SMPX: variants seen among roughly 807,000 people sequenced by gnomAD.
SMPX encodes small muscle protein X-linked.
A neutral mutation model predicts 6.3 loss-of-function variants in SMPX; 2 were observed. The ratio of observed to expected loss-of-function variants is 0.32; its 90% confidence interval spans 0.13 to 0.99. SMPX has a LOEUF of 0.99. SMPX is among the 50% of genes least tolerant of loss of function. The pLI is 0.49. For synonymous variants in SMPX, 32 were observed against 24.7 expected (o/e 1.30, Z -0.88); for missense variants, 60 against 66.8 (o/e 0.90, Z 0.36).
chrX:21,749,178 T>G (rs1021266022), intron 2 of SMPX, among the ~76,000 whole-genome samples: 138 of 112,439 alleles, frequency 1.2e-3, no homozygotes, highest in African/African-American at 4.3e-3. Context: ...ACATACTCAC[T>G]AATGATGCAG....
intron 2 of SMPX, among the ~76,000 whole-genome samples, chrX:21,752,138 G>A (rs1056283185): frequency 5.4e-5 from 6 of 111,722 alleles, no homozygotes; most frequent in African/African-American, 6.5e-5. Flanking sequence ...GTATAATAAC[G>A]GCTACTGAGA....
intron 4 of SMPX, among the ~76,000 whole-genome samples, chrX:21,721,569 A>G (rs1418976102): frequency 8.9e-6 from 1 of 112,455 alleles, no homozygotes; most frequent in Admixed American, 9.4e-5. Context: ...AGACCAAGAC[A>G]CACATCAGGA....
intron 2 of SMPX, among the ~76,000 whole-genome samples, chrX:21,748,584 C>T (rs953790889): frequency 1.8e-5 from 2 of 111,501 alleles, no homozygotes; most frequent in African/African-American, 6.5e-5. Flanking sequence ...TAGGCAGAGC[C>T]GCAATGATCA....
At chrX:21,720,706 G>T (rs1210841336) in intron 4 of SMPX, among the ~76,000 whole-genome samples, 1 of 111,984 alleles carries the variant, frequency 8.9e-6, no homozygotes, top group African/African-American at 3.2e-5. Context: ...AAATGGGGAA[G>T]AAAGATAAGT....
chrX:21,736,854 C>T (rs1445861620), intron 4 of SMPX, among the ~76,000 whole-genome samples: 2 of 111,402 alleles, frequency 1.8e-5, no homozygotes, highest in Non-Finnish European at 3.8e-5. Flanking sequence ...CACTCCCCTG[C>T]TGGCAGAATT....
intron 2 of SMPX, among the ~76,000 whole-genome samples, chrX:21,752,367 T>A (rs1238669924): frequency 3.6e-5 from 4 of 111,927 alleles, no homozygotes; most frequent in Non-Finnish European, 5.6e-5. Flanking sequence ...AGAATTTTTA[T>A]GTTTAGCACT....
intron 4 of SMPX, among the ~76,000 whole-genome samples, chrX:21,715,262 C>CTGTG (rs34947234): frequency 0.032 from 3,055 of 94,526 alleles, 77 homozygotes; most frequent in Admixed American, 0.069. Context: ...TCACTCTGCT[C>CTGTG]TGTGTGTGTG....
intron 4 of SMPX, among the ~76,000 whole-genome samples, chrX:21,718,203 G>A (rs1569304282): frequency 1.8e-5 from 2 of 112,531 alleles, no homozygotes; most frequent in East Asian, 5.6e-4. Context: ...TGACAGCTGT[G>A]GGCCATTAAT....
At chrX:21,715,300 GTGTGCGCGCACGCGCGCGCGCT>G (rs1317612285) in intron 4 of SMPX, among the ~76,000 whole-genome samples, 5 of 99,016 alleles carry the variant, frequency 5.0e-5, no homozygotes, top group African/African-American at 2.4e-4. Flanking sequence ...GTGTGTGTGT[GTGTGCGCGCACGCGCGCGCGCT>G]CGCGCGCTGG....
At chrX:21,746,908 A>G (rs1379800722) in intron 2 of SMPX, among the ~76,000 whole-genome samples, 1 of 111,500 alleles carries the variant, frequency 9.0e-6, no homozygotes, top group African/African-American at 3.3e-5. Context: ...AATTTGATAA[A>G]AATATGTAGA....
intron 2 of SMPX, among the ~76,000 whole-genome samples, chrX:21,752,528 T>C (rs968775862): frequency 3.6e-5 from 4 of 111,012 alleles, no homozygotes; most frequent in Non-Finnish European, 5.7e-5. Flanking sequence ...TTTTGGTTTT[T>C]TTTAAGACAG....
chrX:21,740,391 A>G (rs772403300), intron 3 of SMPX, among the ~76,000 whole-genome samples: 22 of 112,481 alleles, frequency 2.0e-4, no homozygotes, highest in African/African-American at 7.1e-4. Context: ...CTTATCAGCC[A>G]CAGCAGCATT....
intron 3 of SMPX, among the ~76,000 whole-genome samples, chrX:21,743,186 T>C (rs1021606823): frequency 8.9e-6 from 1 of 111,845 alleles, no homozygotes; most frequent in African/African-American, 3.3e-5. Flanking sequence ...CAAAGTCCCC[T>C]TTTCAAAGGA....
At chrX:21,731,510 ATG>A (rs767989015) in intron 4 of SMPX, among the ~76,000 whole-genome samples, 35 of 86,782 alleles carry the variant, frequency 4.0e-4, no homozygotes, top group Non-Finnish European at 5.3e-4. Flanking sequence ...CATACACATT[ATG>A]TGTGTATGTG....
chrX:21,709,639 A>T (rs1283423563), intron 4 of SMPX, among the ~76,000 whole-genome samples: 1 of 111,996 alleles, frequency 8.9e-6, no homozygotes, highest in African/African-American at 3.3e-5. Context: ...AGGCTCATAG[A>T]TGCAGAAATC....
rs184065093 is a variant in SMPX at position 21,752,640 on chromosome X, C to T, written c.45+1606G>A. Among the ~76,000 whole-genome samples the T allele has an allele frequency of 4.4e-3, 485 of 110,463 alleles. 2 individuals are homozygous for T. Among genetic ancestry groups the T allele is most frequent in the African/African-American group, 0.015 (462 of 30,325 alleles). On this transcript the variant is annotated intron_variant, in intron 2 of 4. Transcript: ENST00000379494. ...TCAAGCGATTCTCCTGCCTCAGCCT[C>T]CTGAGTAGCTGGGACTACAGGTGTG...
Position 21,731,527 on chromosome X carries a change from C to CATACACATTATGTGTGTATGTGTATAT in SMPX, c.*14+5995_*14+6021dup, listed in dbSNP as rs1569306559. 9.0e-4 allele frequency among the ~76,000 whole-genome samples: 61 copies of CATACACATTATGTGTGTATGTGTATAT among 67,422 alleles called. 1 individual carries two copies. The highest frequency in any genetic ancestry group is 1.5e-3 in the Non-Finnish European group (51 of 34,377). 58.5% of individuals were successfully genotyped at this position (67,422 alleles called of 115,157 possible). On this transcript the variant is annotated intron_variant, in intron 4 of 4. Transcript: ENST00000379494. ...TACACATTATGTGTGTATGTGTACA[C>CATACACATTATGTGTGTATGTGTATAT]ATACACATTATGTGTGTATGTGTAT... is the stretch of plus-strand genomic sequence containing the variant.
At chrX:21,741,339 G>A (rs1014036709) in intron 3 of SMPX, among the ~76,000 whole-genome samples, 1 of 112,145 alleles carries the variant, frequency 8.9e-6, no homozygotes, top group African/African-American at 3.2e-5. Flanking sequence ...GCTAGGCAAC[G>A]AACGAATTTT....
chrX:21,752,284 C>A (rs2092828222), intron 2 of SMPX, among the ~76,000 whole-genome samples: 1 of 111,214 alleles, frequency 9.0e-6, no homozygotes. Context: ...AACCAACACA[C>A]TTTCAGTTTT....
Sources: allele counts gnomAD v4.1 joint callset (sites outside exome capture counted in the v4.1 genomes callset), GRCh38; gene constraint gnomAD v4.1.1; transcripts MANE v1.5; gene names NCBI Gene and HGNC (gene_info 2026-07-23, HGNC 2026-07-21).